Variants in ZFHX3 observed in about 807,000 individuals in gnomAD.
The protein encoded by ZFHX3 is zinc finger homeobox protein 3.
A neutral mutation model predicts 279.1 loss-of-function variants in ZFHX3; 42 were observed. The observed-to-expected ratio is 0.15, with a 90% CI of 0.12 to 0.19. ZFHX3 has a LOEUF of 0.19. Ranked by LOEUF, ZFHX3 falls within the 10% of genes least tolerant of loss-of-function variation. ZFHX3 has a pLI of 1.00. For synonymous variants in ZFHX3, 2,293 were observed against 1,957.8 expected (o/e 1.17, Z -4.52); for missense variants, 4,981 against 4,754.0 (o/e 1.05, Z -1.40).
rs1222762270 is a variant in ZFHX3 at position 73,366,605 on chromosome 16, A to AG, written c.-1290-48270_-1290-48269insC. ...ACCAAAACCAAAAAAAAAAAAAAAA[A>AG]AGAGAGAAAGAGAGAGACAGATAAG... On this transcript the variant is annotated intron_variant, in intron 3 of 17. Coordinates refer to the ZFHX3 transcript ENST00000641206. Among the ~76,000 whole-genome samples the AG allele has an allele frequency of 5.8e-3, 854 of 147,236 alleles. 7 individuals are homozygous for AG. Among genetic ancestry groups the AG allele is most frequent in the African/African-American group, 0.02 (777 of 39,190 alleles).
intron 7 of ZFHX3, among the ~76,000 whole-genome samples, chr16:73,107,252 G>A (rs541527685): frequency 2.0e-5 from 3 of 152,088 alleles, no homozygotes; most frequent in Admixed American, 6.5e-5. Flanking sequence ...AGAGGTTGCA[G>A]TGTGCCAAGA....
At chr16:73,024,029 C>A (rs891209136) in intron 1 of ZFHX3, among the ~76,000 whole-genome samples, 3 of 152,162 alleles carry the variant, frequency 2.0e-5, no homozygotes, top group East Asian at 3.9e-4. Flanking sequence ...TACCATTAAA[C>A]AACATGCACA....
intron 5 of ZFHX3, chr16:73,256,937 TA>T (rs2013677177): frequency 6.6e-6 from 1 of 152,098 alleles, no homozygotes. Context: ...AATTATAATA[TA>T]ATTATAATGA....
At chr16:72,852,431 C>T (rs1034524009) in intron 4 of ZFHX3, among the ~76,000 whole-genome samples, 1 of 152,176 alleles carries the variant, frequency 6.6e-6, no homozygotes, top group African/African-American at 2.4e-5. Context: ...GCACAGATAA[C>T]TGAAACTTTC....
intron 3 of ZFHX3, among the ~76,000 whole-genome samples, chr16:73,367,025 A>T (rs1025950890): frequency 6.6e-6 from 1 of 151,796 alleles, no homozygotes; most frequent in Non-Finnish European, 1.5e-5. Context: ...ACTCATACAC[A>T]CTCACACACA....
intron 1 of ZFHX3, among the ~76,000 whole-genome samples, chr16:73,822,716 G>A (rs901068553): frequency 5.3e-5 from 8 of 152,178 alleles, no homozygotes; most frequent in Admixed American, 5.2e-4. Flanking sequence ...GGATGAAAGT[G>A]ACACAATGAT....
intron 3 of ZFHX3, among the ~76,000 whole-genome samples, chr16:73,322,345 G>A (rs4888573): frequency 0.4 from 61,012 of 151,588 alleles, 14,045 homozygotes; most frequent in Non-Finnish European, 0.53. Context: ...TAGGTTTAAA[G>A]AAACTTTCCC....
chr16:73,015,385 C>G (rs1030248302), intron 1 of ZFHX3: 1 of 152,140 alleles, frequency 6.6e-6, no homozygotes, highest in Non-Finnish European at 1.5e-5. Context: ...AGTGGAGTAT[C>G]TTAGCATTAG....
chr16:73,778,432 G>T (rs1273490144), intron 1 of ZFHX3, among the ~76,000 whole-genome samples: 5 of 152,238 alleles, frequency 3.3e-5, no homozygotes, highest in South Asian at 2.1e-4. Flanking sequence ...TGTATTGAAT[G>T]GATGGTGAAA....
At chr16:73,236,516 T>C (rs990648510) in intron 5 of ZFHX3, among the ~76,000 whole-genome samples, 1 of 152,116 alleles carries the variant, frequency 6.6e-6, no homozygotes, top group African/African-American at 2.4e-5. Context: ...CTGAATTGCT[T>C]GAGCCTGAGA....
intron 1 of ZFHX3, among the ~76,000 whole-genome samples, chr16:72,961,340 T>G (rs1961567891): frequency 6.6e-6 from 1 of 152,044 alleles, no homozygotes; most frequent in Admixed American, 6.5e-5. Flanking sequence ...ATGTGCCCTC[T>G]GAGACCTCAT....
rs537876924 is a variant in ZFHX3, at chr16:72,958,919, C to A, written c.1227G>T (p.Ser409=). 2 of 1,601,150 alleles carry A rather than the reference C, an allele frequency of 1.2e-6. No individual in the cohort carries two copies. The highest frequency in any genetic ancestry group is 1.7e-4 in the Middle Eastern group (1 of 5,974). ...CTGAGGTAATGGGGGTCTTCAGTAC[C>A]GAGCTGGTGAGCCCGCCAAGGTTCA... ...TLLNLGGLTS[S]VLKTPITSVP... The change falls in exon 2 of 10, where the codon TCG becomes TCT. Residue 409 remains serine, a synonymous_variant. Coordinates refer to ENST00000268489, the MANE Select transcript of ZFHX3 (RefSeq NM_006885.4).
At chr16:72,819,916 G>T (rs565908448) in intron 5 of ZFHX3, among the ~76,000 whole-genome samples, 1 of 152,340 alleles carries the variant, frequency 6.6e-6, no homozygotes, top group South Asian at 2.1e-4. Context: ...CTTTCCACAT[G>T]TCCTGTCCTG....
intron 1 of ZFHX3, among the ~76,000 whole-genome samples, chr16:73,793,345 G>T (rs1492565): frequency 0.39 from 59,824 of 152,106 alleles, 11,965 homozygotes; most frequent in South Asian, 0.52. Flanking sequence ...CCTAAGGATG[G>T]CTTGGATTCT....
intron 3 of ZFHX3, among the ~76,000 whole-genome samples, chr16:73,359,691 T>G (rs1418788277): frequency 6.6e-6 from 1 of 152,180 alleles, no homozygotes; most frequent in African/African-American, 2.4e-5. Flanking sequence ...CTATCTTCTC[T>G]CTGGAAGTGG....
chr16:73,823,511 C>T (rs1475339319), intron 1 of ZFHX3, among the ~76,000 whole-genome samples: 1 of 152,148 alleles, frequency 6.6e-6, no homozygotes, highest in East Asian at 1.9e-4. Flanking sequence ...AGAAGGAGGT[C>T]GACTCTGAAC....
At chr16:73,254,724 A>G (rs2013613005) in intron 5 of ZFHX3, among the ~76,000 whole-genome samples, 1 of 152,170 alleles carries the variant, frequency 6.6e-6, no homozygotes, top group Admixed American at 6.5e-5. Context: ...TCTCATAGAA[A>G]TATTGATCTC....
At chr16:73,650,899 A>T (rs2052664234) in intron 2 of ZFHX3, among the ~76,000 whole-genome samples, 1 of 152,206 alleles carries the variant, frequency 6.6e-6, no homozygotes, top group Non-Finnish European at 1.5e-5. Context: ...AAAAATGCAA[A>T]AGAACAACTA....
chr16:72,802,496 A>C (rs1417889246), intron 7 of ZFHX3, among the ~76,000 whole-genome samples: 1 of 152,136 alleles, frequency 6.6e-6, no homozygotes, highest in Non-Finnish European at 1.5e-5. Flanking sequence ...ATATGTGTTT[A>C]AGTAACTACT....
Sources: gnomAD v4.1 joint callset for allele counts (sites outside exome capture counted in the v4.1 genomes callset) on GRCh38, gnomAD v4.1.1 for gene constraint, MANE v1.5 for transcripts, NCBI Gene and HGNC (gene_info 2026-07-23, HGNC 2026-07-21) for gene names.